GTF3A: variants seen among roughly 807,000 people sequenced by gnomAD.
The protein encoded by GTF3A is transcription factor IIIA.
Under a neutral mutation model 37.6 loss-of-function variants are expected in GTF3A, and 40 were observed. That is an observed-to-expected ratio of 1.06 (90% CI 0.83 to 1.38). The LOEUF (loss-of-function observed/expected upper bound fraction) is 1.38, where lower values mean the gene tolerates loss of function less well. Ranked by LOEUF, GTF3A falls within the 40% of genes most tolerant of loss-of-function variation. The pLI is 0.00. For synonymous variants in GTF3A, 191 were observed against 166.7 expected (o/e 1.15, Z -1.12); for missense variants, 500 against 462.6 (o/e 1.08, Z -0.74).
chr13:27,433,537 CT>C (rs747685573), intron 5 of GTF3A, among the ~76,000 whole-genome samples: 6,136 of 19,626 alleles, frequency 0.31, 148 homozygotes, highest in East Asian at 0.4. Context: ...CAAAAAAAAA[CT>C]TTTTTTTTTT....
At chr13:27,432,878 C>T (rs1473179623) in intron 5 of GTF3A, 74 bp downstream of exon 5, 2 of 1,235,240 alleles carry the variant, frequency 1.6e-6, no homozygotes, top group Non-Finnish European at 2.3e-6. Context: ...GTTCTGTGAT[C>T]ACGCTGAAAA....
At position 27,434,211 on chromosome 13, in the gene GTF3A, C is replaced by A. The variant is rs748565176; in HGVS notation, c.635C>A (p.Thr212Asn). 4 of 1,253,712 alleles carry A rather than the reference C, an allele frequency of 3.2e-6. No homozygotes were observed. Among genetic ancestry groups the A allele is most frequent in the South Asian group, 1.2e-5 (1 of 83,914 alleles). The allele number at this position is 1,253,712 out of a possible 1,614,324, so 77.7% of individuals were successfully genotyped here. A position where few individuals can be genotyped will look rare whatever the true frequency, so the allele number is the denominator to read the frequency against. ...GAACTTCTGAAACATGTGAGAGAAA[C>A]CCATAAAGGTAAGGCAGGCATGAAT... is the stretch of plus-strand genomic sequence containing the variant. The change falls in exon 6 of 9, where the codon ACC (threonine) becomes AAC (asparagine). Residue 212 changes from threonine to asparagine, a missense_variant. Coordinates refer to ENST00000381140, the MANE Select transcript of GTF3A (RefSeq NM_002097.3).
At chr13:27,425,318 G>A (rs1953595991) in intron 1 of GTF3A, 3 of 211,280 alleles carry the variant, frequency 1.4e-5, no homozygotes, top group Non-Finnish European at 2.9e-5. Flanking sequence ...AGCAGCATGT[G>A]CTCATTTCTT....
Position 27,425,181 on chromosome 13 carries a change from C to A in GTF3A, c.201+243C>A, listed in dbSNP as rs183099177. ...GTCATTGATCGTGAGTCTCGGCCAG[C>A]CAAGTGCCTCCCGTAATCTGCAAAT... On this transcript the variant is annotated intron_variant, in intron 1 of 8. Coordinates refer to ENST00000381140, the MANE Select transcript of GTF3A (RefSeq NM_002097.3). The A allele has an allele frequency of 6.3e-4, 293 of 465,476 alleles. 1 individual carries two copies. The Middle Eastern group carries it at 6.6e-3, about 11-fold the overall frequency. 28.8% of individuals were successfully genotyped at this position (465,476 alleles called of 1,614,324 possible).
chr13:27,435,302 A>G, intron 8 of GTF3A, 110 bp downstream of exon 8: 1 of 1,231,178 alleles, frequency 8.1e-7, no homozygotes, highest in Non-Finnish European at 1.2e-6. Context: ...AGTCTGCACT[A>G]CTGTTGAAGA....
At position 27,433,514 on chromosome 13, in the gene GTF3A, TA is replaced by T. The variant is rs780277596; in HGVS notation, c.563-613del. 6.0e-3 allele frequency among the ~76,000 whole-genome samples: 671 copies of T among 110,942 alleles called. 6 individuals are homozygous for T. Among genetic ancestry groups the T allele is most frequent in the African/African-American group, 0.022 (626 of 28,232 alleles). The allele number at this position is 110,942 out of a possible 152,430, so 72.8% of individuals were successfully genotyped here. A position where few individuals can be genotyped will look rare whatever the true frequency, so the allele number is the denominator to read the frequency against. ...ATTTTCTTCCTTAGCTGTACTCTTT[TA>T]AAAAAAAAAAACAAAAAAAAACTTT... is the stretch of plus-strand genomic sequence containing the variant. On this transcript the variant is annotated intron_variant, in intron 5 of 8. Coordinates refer to ENST00000381140, the MANE Select transcript of GTF3A (RefSeq NM_002097.3).
intron 2 of GTF3A, among the ~76,000 whole-genome samples, chr13:27,427,854 G>C (rs929252079): frequency 6.6e-5 from 10 of 152,182 alleles, no homozygotes; most frequent in Admixed American, 3.9e-4. Flanking sequence ...CATGCAACCA[G>C]GAACTACTGG....
Position 27,429,940 on chromosome 13 carries a change from C to T in GTF3A, c.373C>T (p.His125Tyr). The change falls in exon 3 of 9, where the codon CAT becomes TAT. Residue 125 changes from histidine (H) to tyrosine (Y), a missense_variant. Physicochemically the swap from His to Tyr is moderately conservative, Grantham distance 83 (BLOSUM62 2). Coordinates refer to ENST00000381140, the MANE Select transcript of GTF3A (RefSeq NM_002097.3). ...CTTGAAGAAACATTTTGAACGCAAACATGAAAATCAACAAAAACAATATAT... is the reference window on the plus strand; with the variant it reads ...CTTGAAGAAACATTTTGAACGCAAATATGAAAATCAACAAAAACAATATAT... The T allele has an allele frequency of 6.5e-7, 1 of 1,530,826 alleles. No homozygotes were observed. The highest frequency in any genetic ancestry group is 8.8e-7 in the Non-Finnish European group (1 of 1,136,856). 94.8% of individuals were successfully genotyped at this position (1,530,826 alleles called of 1,614,324 possible).
rs1290607388 is a variant in GTF3A, at chr13:27,433,164, G to A, written c.562+360G>A. On this transcript the variant is annotated intron_variant, in intron 5 of 8. Coordinates refer to ENST00000381140, the MANE Select transcript of GTF3A (RefSeq NM_002097.3). The stretch of plus-strand genomic sequence containing the variant: ...TCCTTGTTGGCCATTCACAAGGCTT[G>A]GATAATCGTGTGACATTTTGAGAGC... Among the ~76,000 whole-genome samples, 2 of 150,256 alleles carry A rather than the reference G, an allele frequency of 1.3e-5. 1 individual carries two copies. Among genetic ancestry groups the A allele is most frequent in the African/African-American group, 4.9e-5 (2 of 40,718 alleles).
intron 1 of GTF3A, 55 bp downstream of exon 1, chr13:27,424,993 G>A (rs749523586): frequency 7.6e-5 from 103 of 1,359,102 alleles, no homozygotes; most frequent in Non-Finnish European, 9.6e-5. Flanking sequence ...TGGCCCCGGG[G>A]TAGCCACTGC....
chr13:27,430,126 G>GAAA (rs373117287), intron 3 of GTF3A, among the ~76,000 whole-genome samples, 160 bp downstream of exon 3: 63 of 142,200 alleles, frequency 4.4e-4, no homozygotes, highest in Admixed American at 7.0e-4. Context: ...TGCTGTCTCT[G>GAAA]AAAAAAAAAA....
chr13:27,435,359 A>C lies in GTF3A; in HGVS notation c.934-74A>C. ...TGTTGTACACTATATCTGCTGGTACATATGACTATCGTAAAATTAACTCAG... is the reference window on the plus strand; with the variant it reads ...TGTTGTACACTATATCTGCTGGTACCTATGACTATCGTAAAATTAACTCAG... On this transcript the variant is annotated intron_variant, in intron 8 of 8. Transcript: ENST00000381140. 4.1e-6 allele frequency: 6 copies of C among 1,450,992 alleles called. 1 individual carries two copies. The allele number at this position is 1,450,992 out of a possible 1,614,324, so 89.9% of individuals were successfully genotyped here.
At chr13:27,425,867 T>G (rs2138020488) in intron 1 of GTF3A, 1 of 152,568 alleles carries the variant, frequency 6.6e-6, no homozygotes. Flanking sequence ...GGCCACCTTC[T>G]CCAGGTGTCC....
At position 27,424,775 on chromosome 13, in the gene GTF3A, C is replaced by T; in HGVS notation, c.38C>T (p.Ser13Phe). ...GCCGTGGTCGCCGAGTCGGTGTCGT[C>T]CTTGACCATCGCCGACGCGTTCATT... The change falls in exon 1 of 9, where the codon TCC (serine) becomes TTC (phenylalanine). Residue 13 changes from serine to phenylalanine, a missense_variant. Coordinates refer to ENST00000381140, the MANE Select transcript of GTF3A (RefSeq NM_002097.3). The T allele has an allele frequency of 6.5e-7, 1 of 1,539,358 alleles. No homozygotes were observed. The highest frequency in any genetic ancestry group is 8.7e-7 in the Non-Finnish European group (1 of 1,143,456).
intron 3 of GTF3A, 61 bp downstream of exon 3, chr13:27,430,027 C>T: frequency 1.1e-6 from 1 of 887,308 alleles, no homozygotes; most frequent in Non-Finnish European, 1.7e-6. Context: ...GCCTATGTTT[C>T]TGACATTTTC....
intron 6 of GTF3A, among the ~76,000 whole-genome samples, 181 bp downstream of exon 6, chr13:27,434,400 C>T (rs1393952947): frequency 2.6e-5 from 4 of 152,214 alleles, no homozygotes; most frequent in African/African-American, 7.2e-5. Context: ...GTCTCTGAGC[C>T]ACCCCACCAT....
chr13:27,429,522 TTG>T (rs898965329), intron 2 of GTF3A: 1 of 163,612 alleles, frequency 6.1e-6, no homozygotes, highest in Non-Finnish European at 1.3e-5. Context: ...AGCATTAAGG[TTG>T]TCAGATTCTA....
chr13:27,433,529 A>C (rs1468474387), intron 5 of GTF3A, among the ~76,000 whole-genome samples: 2 of 68,052 alleles, frequency 2.9e-5, no homozygotes, highest in Non-Finnish European at 5.4e-5. Context: ...AAAAAAAACA[A>C]AAAAAAACTT....
chr13:27,427,466 A>G (rs1284979525), intron 2 of GTF3A, among the ~76,000 whole-genome samples: 1 of 152,132 alleles, frequency 6.6e-6, no homozygotes, highest in Non-Finnish European at 1.5e-5. Flanking sequence ...AATCCTAGCT[A>G]CCCAGGAGGC....
Sources: gnomAD v4.1 joint callset for allele counts (sites outside exome capture counted in the v4.1 genomes callset) on GRCh38, gnomAD v4.1.1 for gene constraint, MANE v1.5 for transcripts, NCBI Gene and HGNC (gene_info 2026-07-23, HGNC 2026-07-21) for gene names.